Variants in NELL2 observed in about 807,000 individuals in gnomAD.
NELL2 encodes neural EGFL like 2, also known as protein kinase C-binding protein NELL2.
NELL2 carries 41 observed loss-of-function variants against 109.6 expected under a neutral mutation model. The observed-to-expected ratio is 0.37, with a 90% CI of 0.29 to 0.49. NELL2 has a LOEUF of 0.49. NELL2 is among the 20% of genes least tolerant of loss of function. The pLI, the probability that NELL2 is intolerant of heterozygous loss-of-function variation, is 0.98. For missense variants in NELL2, 900 were observed against 1,008.3 expected (o/e 0.89, Z 1.45); for synonymous variants, 355 against 344.7 (o/e 1.03, Z -0.33).
At chr12:44,913,186 T>G (rs1447652963) in intron 1 of NELL2, among the ~76,000 whole-genome samples, 1 of 152,146 alleles carries the variant, frequency 6.6e-6, no homozygotes, top group Non-Finnish European at 1.5e-5. Context: ...CCTGTTTAGA[T>G]ATAGGTGAAA....
chr12:44,864,059 T>A (rs540316315), intron 2 of NELL2, among the ~76,000 whole-genome samples: 66 of 152,004 alleles, frequency 4.3e-4, no homozygotes, highest in African/African-American at 1.5e-3. Flanking sequence ...AAATCTACAA[T>A]AGATACATAA....
At chr12:44,645,052 G>A (rs1217792728) in intron 13 of NELL2, among the ~76,000 whole-genome samples, 6 of 151,714 alleles carry the variant, frequency 4.0e-5, no homozygotes, top group Admixed American at 3.3e-4. Flanking sequence ...GGAGAGGGAA[G>A]AATTATGTTT....
chr12:44,522,250 C>T, intron 17 of NELL2, 74 bp from the exon 18 acceptor site: 2 of 1,246,430 alleles, frequency 1.6e-6, no homozygotes, highest in Non-Finnish European at 2.2e-6. Context: ...CACACGCACA[C>T]ACATTTCAGA....
At chr12:44,729,162 A>G (rs927821637) in intron 9 of NELL2, among the ~76,000 whole-genome samples, 3 of 152,136 alleles carry the variant, frequency 2.0e-5, no homozygotes, top group East Asian at 3.8e-4. Flanking sequence ...AAAGATAACA[A>G]CTATAAAAAT....
At chr12:44,581,493 T>C (rs1455905489) in intron 15 of NELL2, among the ~76,000 whole-genome samples, 1 of 152,178 alleles carries the variant, frequency 6.6e-6, no homozygotes, top group Non-Finnish European at 1.5e-5. Flanking sequence ...AACCTACAGA[T>C]TGAAGTAGAA....
chr12:44,621,035 A>G (rs1946037391), intron 13 of NELL2, among the ~76,000 whole-genome samples: 2 of 152,088 alleles, frequency 1.3e-5, no homozygotes, highest in South Asian at 2.1e-4. Flanking sequence ...AGCTTTCATC[A>G]TGGCCCTCTG....
intron 1 of NELL2, among the ~76,000 whole-genome samples, chr12:44,920,552 G>A (rs1429608488): frequency 6.6e-6 from 1 of 152,086 alleles, no homozygotes; most frequent in Non-Finnish European, 1.5e-5. Context: ...TGTTTAATGA[G>A]CTACAAGGTT....
intron 9 of NELL2, among the ~76,000 whole-genome samples, chr12:44,743,066 C>G (rs1383343814): frequency 6.6e-6 from 1 of 152,064 alleles, no homozygotes. Context: ...GTTGGGTTAC[C>G]CTCAAAGGGA....
In NELL2 at chr12:44,726,247, G is replaced by C. The variant is rs190995530; in HGVS notation, c.995-11506C>G. 2.3e-3 allele frequency among the ~76,000 whole-genome samples: 350 copies of C among 148,982 alleles called. 1 individual carries two copies. The highest frequency in any genetic ancestry group is 8.8e-3 in the African/African-American group (338 of 38,416). On this transcript the variant is annotated intron_variant, in intron 9 of 19. Transcript: ENST00000429094. Reference sequence around the variant, plus strand: ...GAAAGAGTTGGAAACATATTTTACTGAATGAAACAAATCATCAGGAACTCC... The same window carrying C: ...GAAAGAGTTGGAAACATATTTTACTCAATGAAACAAATCATCAGGAACTCC...
intron 2 of NELL2, among the ~76,000 whole-genome samples, chr12:44,830,712 T>C (rs1592617382): frequency 6.6e-6 from 1 of 152,088 alleles, no homozygotes; most frequent in Admixed American, 6.5e-5. Context: ...AAAAGAGCTC[T>C]GGGAATGTGT....
At chr12:44,876,940 C>CCGGGGGCGG, upstream of NELL2, 2 of 1,201,452 alleles carry the variant, frequency 1.7e-6, no homozygotes, top group Non-Finnish European at 2.1e-6. Flanking sequence ...AGAGCTTCCC[C>CCGGGGGCGG]GGCGCGGAGA....
At chr12:44,733,818 C>CTA (rs1362367581) in intron 9 of NELL2, among the ~76,000 whole-genome samples, 5 of 151,888 alleles carry the variant, frequency 3.3e-5, no homozygotes, top group African/African-American at 1.2e-4. Context: ...ATGGAATGTT[C>CTA]TAGCATCTAC....
chr12:44,729,217 A>G lies in NELL2; in HGVS notation c.995-14476T>C, dbSNP rs557406448. On this transcript the variant is annotated intron_variant, in intron 9 of 19. Coordinates refer to ENST00000429094, the MANE Select transcript of NELL2 (RefSeq NM_001145108.2). ...CTAAAAATGGTAATTTGTGACATCA[A>G]TGATAAATAGTGTAGGGGGAGGGGA... Among the ~76,000 whole-genome samples, 70 of 152,302 alleles carry G rather than the reference A, an allele frequency of 4.6e-4. 1 individual carries two copies. In the South Asian group the frequency reaches 0.014, roughly 31 times the overall value.
intron 2 of NELL2, among the ~76,000 whole-genome samples, chr12:44,872,544 T>C (rs1040546436): frequency 6.6e-6 from 1 of 152,134 alleles, no homozygotes; most frequent in Non-Finnish European, 1.5e-5. Context: ...CAAAATCCAC[T>C]AAGGAGAAAA....
intron 2 of NELL2, among the ~76,000 whole-genome samples, chr12:44,849,437 G>C: frequency 6.6e-6 from 1 of 152,036 alleles, no homozygotes; most frequent in East Asian, 1.9e-4. Flanking sequence ...AGATATCAGG[G>C]AAATACAAAT....
At chr12:44,659,109 C>T (rs548497848) in intron 13 of NELL2, among the ~76,000 whole-genome samples, 1 of 152,100 alleles carries the variant, frequency 6.6e-6, no homozygotes, top group East Asian at 1.9e-4. Context: ...GAAAGAATTC[C>T]CTATTTAATA....
chr12:44,672,772 T>A (rs1948182388), intron 12 of NELL2, among the ~76,000 whole-genome samples: 3 of 152,174 alleles, frequency 2.0e-5, no homozygotes. Flanking sequence ...TAAATGGAGA[T>A]GATTGTGCAA....
At chr12:44,558,813 C>G (rs1466197) in intron 15 of NELL2, among the ~76,000 whole-genome samples, 15,480 of 152,034 alleles carry the variant, frequency 0.1, 929 homozygotes, top group Middle Eastern at 0.15. Flanking sequence ...ACTGGAACAC[C>G]AGTGAGACAG....
At chr12:44,672,303 G>A (rs1592307982) in intron 12 of NELL2, among the ~76,000 whole-genome samples, 2 of 152,178 alleles carry the variant, frequency 1.3e-5, no homozygotes, top group African/African-American at 4.8e-5. Flanking sequence ...TCCTTCTCCT[G>A]TCAGAGCAGA....
Sources: gnomAD v4.1 joint callset for allele counts (sites outside exome capture counted in the v4.1 genomes callset) on GRCh38, gnomAD v4.1.1 for gene constraint, MANE v1.5 for transcripts, NCBI Gene and HGNC (gene_info 2026-07-23, HGNC 2026-07-21) for gene names.